Variants in TNKS observed in about 807,000 individuals in gnomAD.
TNKS encodes the protein tankyrase, also known as poly [ADP-ribose] polymerase tankyrase-1.
In TNKS, 72 loss-of-function variants were observed where a neutral mutation model predicts 135.8. The ratio of observed to expected loss-of-function variants is 0.53; its 90% CI spans 0.44 to 0.64. TNKS has a LOEUF of 0.64. Ranked by LOEUF, TNKS falls within the 30% of genes least tolerant of loss-of-function variation. The pLI is 0.00. For missense variants in TNKS, 1,769 were observed against 1,674.0 expected (o/e 1.06, Z -0.99); for synonymous variants, 849 against 649.3 (o/e 1.31, Z -4.68).
At chr8:9,593,516 T>G (rs974753715) in intron 2 of TNKS, among the ~76,000 whole-genome samples, 5 of 152,242 alleles carry the variant, frequency 3.3e-5, no homozygotes. Context: ...AACCGTATCA[T>G]ATTTAGCAAA....
At chr8:9,579,305 A>T (rs987372963) in intron 1 of TNKS, among the ~76,000 whole-genome samples, 1 of 152,142 alleles carries the variant, frequency 6.6e-6, no homozygotes, top group Non-Finnish European at 1.5e-5. Context: ...CCAAGAATAG[A>T]TATTTTGGCA....
intron 3 of TNKS, among the ~76,000 whole-genome samples, chr8:9,638,420 C>G (rs1206880525): frequency 6.6e-6 from 1 of 152,144 alleles, no homozygotes; most frequent in Admixed American, 6.5e-5. Context: ...GGTTTTGGAA[C>G]TAAAAATCTT....
chr8:9,624,339 A>AAGT (rs1267597145), intron 3 of TNKS, among the ~76,000 whole-genome samples: 5 of 152,206 alleles, frequency 3.3e-5, no homozygotes, highest in African/African-American at 1.2e-4. Flanking sequence ...TGCTTTCTTA[A>AAGT]AGTAGCACAT....
At chr8:9,699,464 T>C (rs561964927) in intron 5 of TNKS, among the ~76,000 whole-genome samples, 3 of 152,334 alleles carry the variant, frequency 2.0e-5, no homozygotes, top group African/African-American at 7.2e-5. Flanking sequence ...CATCCTTTTT[T>C]TTCTCAATTT....
intron 2 of TNKS, among the ~76,000 whole-genome samples, chr8:9,594,318 C>A (rs1215451415): frequency 6.6e-6 from 1 of 152,134 alleles, no homozygotes; most frequent in East Asian, 1.9e-4. Flanking sequence ...ACTCTCACAC[C>A]TTGTTTTTTG....
At chr8:9,773,940 A>G (rs1808086195) in intron 26 of TNKS, among the ~76,000 whole-genome samples, 1 of 152,168 alleles carries the variant, frequency 6.6e-6, no homozygotes, top group Non-Finnish European at 1.5e-5. Context: ...CATACTCTAA[A>G]TCATCTTTCA....
intron 1 of TNKS, among the ~76,000 whole-genome samples, chr8:9,576,273 T>G (rs553333508): frequency 6.6e-6 from 1 of 152,298 alleles, no homozygotes; most frequent in East Asian, 1.9e-4. Context: ...CTCACACTGC[T>G]ATAAAGAACT....
At chr8:9,676,686 C>CTCTGTGTGTGTGTGTGTGTGTGTGTG (rs1554467464) in intron 3 of TNKS, among the ~76,000 whole-genome samples, 3 of 147,786 alleles carry the variant, frequency 2.0e-5, no homozygotes, top group Non-Finnish European at 3.0e-5. Flanking sequence ...CTCTCTCTCT[C>CTCTGTGTGTGTGTGTGTGTGTGTGTG]TGTGTGTGTG....
chr8:9,568,130 C>G (rs1458940224), intron 1 of TNKS, among the ~76,000 whole-genome samples: 2 of 152,190 alleles, frequency 1.3e-5, no homozygotes, highest in African/African-American at 2.4e-5. Flanking sequence ...TGTAGACCTT[C>G]TCTGTCAGTA....
intron 26 of TNKS, chr8:9,772,251 T>C (rs929593653): frequency 1.6e-5 from 6 of 379,302 alleles, no homozygotes; most frequent in East Asian, 7.5e-5. Context: ...AGACTTACTT[T>C]CAAAGGGGGC....
At chr8:9,728,932 G>A (rs1198113166) in intron 13 of TNKS, among the ~76,000 whole-genome samples, 1 of 152,100 alleles carries the variant, frequency 6.6e-6, no homozygotes, top group African/African-American at 2.4e-5. Context: ...GTCTATTTGT[G>A]CTGCTATAAA....
intron 1 of TNKS, among the ~76,000 whole-genome samples, chr8:9,563,021 T>G (rs1797397449): frequency 6.6e-6 from 1 of 152,140 alleles, no homozygotes; most frequent in African/African-American, 2.4e-5. Context: ...CTTTTCTTTT[T>G]ATGTATATTG....
rs573035455 is a variant in TNKS at position 9,733,623 on chromosome 8, A to G, written c.2313+179A>G. ...TGACACATAGCTTTGCGTAGTGCCT[A>G]AAGTGAATATCTGAAATGGTTTAAG... On this transcript the variant is annotated intron_variant, in intron 15 of 26. Transcript: ENST00000310430. 2.6e-5 allele frequency among the ~76,000 whole-genome samples: 4 copies of G among 152,216 alleles called. No homozygotes were observed. The South Asian group carries it at 8.3e-4, about 32-fold the overall frequency.
intron 11 of TNKS, chr8:9,710,447 CAA>C: frequency 1.7e-6 from 1 of 586,150 alleles, no homozygotes; most frequent in Non-Finnish European, 3.0e-6. Context: ...TGTAAAGCAA[CAA>C]AATATAGCTA....
At chr8:9,608,420 T>C (rs1799317598) in intron 2 of TNKS, among the ~76,000 whole-genome samples, 1 of 152,244 alleles carries the variant, frequency 6.6e-6, no homozygotes, top group East Asian at 1.9e-4. Context: ...GCGTCAGGTG[T>C]GTTAACAAGG....
chr8:9,761,939 C>T (rs923898971), intron 21 of TNKS, among the ~76,000 whole-genome samples: 46 of 152,226 alleles, frequency 3.0e-4, no homozygotes, highest in Non-Finnish European at 1.0e-4. Context: ...GTCCCAGCCA[C>T]CTGGTTTATC....
intron 1 of TNKS, among the ~76,000 whole-genome samples, chr8:9,568,144 A>G (rs993482027): frequency 6.6e-6 from 1 of 152,220 alleles, no homozygotes; most frequent in Non-Finnish European, 1.5e-5. Flanking sequence ...GTCAGTATGA[A>G]GCTCAGCATT....
rs1413525855 is a variant in TNKS at position 9,752,634 on chromosome 8, C to G, written c.3153+8C>G. The G allele has an allele frequency of 3.8e-6, 6 of 1,577,816 alleles. No homozygotes were observed. The highest frequency in any genetic ancestry group is 2.7e-5 in the African/African-American group (2 of 74,024). ...ATCTTTGAAACAGAACAGGTAAATACTCTTGTATATATTTGAGTCATTTAA... is the reference window on the plus strand; with the variant it reads ...ATCTTTGAAACAGAACAGGTAAATAGTCTTGTATATATTTGAGTCATTTAA... On this transcript the variant is annotated splice_region_variant and intron_variant, in intron 20 of 26. Transcript: ENST00000310430.
intron 3 of TNKS, among the ~76,000 whole-genome samples, chr8:9,629,102 T>C (rs767958416): frequency 6.6e-5 from 10 of 152,254 alleles, no homozygotes; most frequent in Admixed American, 2.0e-4. Flanking sequence ...CACCAACGTG[T>C]AGTCTGTAGG....
Sources: gnomAD v4.1 joint callset for allele counts (sites outside exome capture counted in the v4.1 genomes callset) on GRCh38, gnomAD v4.1.1 for gene constraint, MANE v1.5 for transcripts, NCBI Gene and HGNC (gene_info 2026-07-23, HGNC 2026-07-21) for gene names.